RALYL: variants seen among roughly 807,000 people sequenced by gnomAD.
The protein encoded by RALYL is RALY RNA binding protein like.
Under a neutral mutation model 35.1 loss-of-function variants are expected in RALYL, and 29 were observed. The ratio of observed to expected loss-of-function variants is 0.83; its 90% confidence interval spans 0.61 to 1.13. The LOEUF is 1.13. Among genes scored for constraint, RALYL ranks in the 50% most tolerant of loss-of-function variants. The pLI, the probability that RALYL is intolerant of heterozygous loss-of-function variation, is 0.00. For synonymous variants in RALYL, 120 were observed against 127.6 expected (o/e 0.94, Z 0.40); for missense variants, 359 against 360.4 (o/e 1.00, Z 0.03).
At chr8:84,423,815 G>A (rs560796491) in intron 1 of RALYL, among the ~76,000 whole-genome samples, 1 of 151,230 alleles carries the variant, frequency 6.6e-6, no homozygotes, top group Non-Finnish European at 1.5e-5. Context: ...ATGAAGCTTA[G>A]TTTGGCTGGA....
intron 2 of RALYL, among the ~76,000 whole-genome samples, chr8:84,554,289 T>C (rs2060947867): frequency 1.3e-5 from 2 of 152,198 alleles, no homozygotes; most frequent in Non-Finnish European, 2.9e-5. Context: ...GATGTAACAA[T>C]TTACGGTAGT....
intron 2 of RALYL, among the ~76,000 whole-genome samples, chr8:84,563,686 G>A (rs2135636240): frequency 6.6e-6 from 1 of 151,434 alleles, no homozygotes; most frequent in South Asian, 2.1e-4. Flanking sequence ...TCCTTACACT[G>A]TGGTTAAAGA....
At chr8:84,337,587 A>C (rs1848040630) in intron 1 of RALYL, among the ~76,000 whole-genome samples, 1 of 152,144 alleles carries the variant, frequency 6.6e-6, no homozygotes, top group African/African-American at 2.4e-5. Flanking sequence ...GTATGACAGC[A>C]GAAAACATCT....
intron 4 of RALYL, among the ~76,000 whole-genome samples, chr8:84,826,638 G>A (rs930804109): frequency 6.6e-6 from 1 of 151,958 alleles, no homozygotes; most frequent in African/African-American, 2.4e-5. Context: ...GTTGACATTT[G>A]ACATGCCCAG....
intron 1 of RALYL, among the ~76,000 whole-genome samples, chr8:84,262,324 A>G (rs1344005908): frequency 6.6e-6 from 1 of 152,176 alleles, no homozygotes; most frequent in Non-Finnish European, 1.5e-5. Flanking sequence ...TGGAAACTCA[A>G]AATAACATTT....
At chr8:84,847,305 C>T (rs905019685) in intron 4 of RALYL, among the ~76,000 whole-genome samples, 1 of 152,210 alleles carries the variant, frequency 6.6e-6, no homozygotes, top group Non-Finnish European at 1.5e-5. Flanking sequence ...TCACTTCACT[C>T]AGCCTTCCTT....
intron 6 of RALYL, among the ~76,000 whole-genome samples, chr8:84,869,888 A>C (rs117092704): frequency 6.6e-6 from 1 of 152,176 alleles, no homozygotes; most frequent in Non-Finnish European, 1.5e-5. Context: ...TTTTTGGATT[A>C]TATCTTATGT....
chr8:84,512,535 A>G (rs572360671), intron 1 of RALYL, among the ~76,000 whole-genome samples: 1 of 152,204 alleles, frequency 6.6e-6, no homozygotes, highest in South Asian at 2.1e-4. Context: ...TTTTAGTTTA[A>G]TATAGTCCCA....
intron 1 of RALYL, among the ~76,000 whole-genome samples, chr8:84,320,422 A>C (rs947761596): frequency 3.3e-5 from 5 of 151,452 alleles, no homozygotes; most frequent in Non-Finnish European, 1.5e-5. Context: ...ATATGTGTGT[A>C]TGTGTATATA....
chr8:84,773,093 C>T (rs1400244671), intron 2 of RALYL, among the ~76,000 whole-genome samples: 3 of 152,158 alleles, frequency 2.0e-5, no homozygotes, highest in Admixed American at 1.3e-4. Flanking sequence ...TTAACCTGGG[C>T]ATAGTGACCT....
rs1587645377 is a variant in RALYL at position 84,477,286 on chromosome 8, A to C, written c.-23-52013A>C. On this transcript the variant is annotated intron_variant, in intron 1 of 8. Coordinates refer to ENST00000521268, the MANE Select transcript of RALYL (RefSeq NM_173848.7). The stretch of plus-strand genomic sequence containing the variant: ...ACTAAATTGGATCGGGAGTTAGGGT[A>C]TCTCCTTTAGCATCTAACGCTGTTG... Among the ~76,000 whole-genome samples, 4 of 152,034 alleles carry C rather than the reference A, an allele frequency of 2.6e-5. No homozygotes were observed. In the South Asian group the frequency reaches 8.3e-4, roughly 32 times the overall value.
At position 84,597,728 on chromosome 8, in the gene RALYL, C is replaced by A. The variant is rs1221425021; in HGVS notation, c.256+68151C>A. On this transcript the variant is annotated intron_variant, in intron 2 of 8. Coordinates refer to ENST00000521268, the MANE Select transcript of RALYL (RefSeq NM_173848.7). ...AATATTTTGTGACACATCAAAATGACAAGAAATTTAAATTTCAGTGTCCAT... is the reference window on the plus strand; with the variant it reads ...AATATTTTGTGACACATCAAAATGAAAAGAAATTTAAATTTCAGTGTCCAT... Among the ~76,000 whole-genome samples the A allele has an allele frequency of 3.3e-5, 5 of 152,156 alleles. No homozygotes were observed. The East Asian group carries it at 9.7e-4, about 29-fold the overall frequency.
intron 1 of RALYL, among the ~76,000 whole-genome samples, chr8:84,284,617 GA>G (rs1302947295): frequency 6.6e-6 from 1 of 152,128 alleles, no homozygotes; most frequent in East Asian, 1.9e-4. Flanking sequence ...GTTTTCACTG[GA>G]AAGGATTCAT....
intron 2 of RALYL, among the ~76,000 whole-genome samples, chr8:84,674,343 C>G (rs569110692): frequency 6.6e-6 from 1 of 152,212 alleles, no homozygotes; most frequent in South Asian, 2.1e-4. Context: ...AACTTCCTCT[C>G]TTTGTATTTG....
chr8:84,332,978 T>C (rs1360199330), intron 1 of RALYL, among the ~76,000 whole-genome samples: 2 of 152,172 alleles, frequency 1.3e-5, no homozygotes, highest in East Asian at 3.9e-4. Context: ...CAGGCCTTAC[T>C]CTAGTACATT....
intron 1 of RALYL, among the ~76,000 whole-genome samples, chr8:84,337,384 G>A (rs926990021): frequency 1.3e-5 from 2 of 151,584 alleles, no homozygotes; most frequent in Non-Finnish European, 2.9e-5. Flanking sequence ...ATACTGAATG[G>A]TGTATTTCAG....
At chr8:84,434,035 G>C (rs1014413969) in intron 1 of RALYL, among the ~76,000 whole-genome samples, 9 of 151,868 alleles carry the variant, frequency 5.9e-5, no homozygotes, top group African/African-American at 2.2e-4. Context: ...CTACAGACTG[G>C]GTAACTTAAA....
At chr8:84,854,318 C>T (rs1421462789) in intron 5 of RALYL, among the ~76,000 whole-genome samples, 1 of 151,558 alleles carries the variant, frequency 6.6e-6, no homozygotes, top group South Asian at 2.1e-4. Flanking sequence ...TGCACTCCAG[C>T]CTGGGGACAG....
intron 8 of RALYL, among the ~76,000 whole-genome samples, chr8:84,911,401 T>C (rs1847486526): frequency 6.6e-6 from 1 of 152,156 alleles, no homozygotes; most frequent in Admixed American, 6.6e-5. Flanking sequence ...CAATGGCTAT[T>C]TGCTATTATT....
Sources: gnomAD v4.1 joint callset for allele counts (sites outside exome capture counted in the v4.1 genomes callset) on GRCh38, gnomAD v4.1.1 for gene constraint, MANE v1.5 for transcripts, NCBI Gene and HGNC (gene_info 2026-07-23, HGNC 2026-07-21) for gene names.